The following FNDC3B variants were observed in gnomAD, a reference collection of about 807,000 sequenced individuals.
The protein encoded by FNDC3B is fibronectin type III domain-containing protein 3B.
Under a neutral mutation model 151.5 loss-of-function variants are expected in FNDC3B, and 12 were observed. The observed-to-expected ratio is 0.08, with a 90% CI of 0.05 to 0.13. The LOEUF (loss-of-function observed/expected upper bound fraction) is 0.13. FNDC3B is among the 10% of genes least tolerant of loss of function. FNDC3B has a pLI of 1.00. For synonymous variants in FNDC3B, 528 were observed against 549.0 expected (o/e 0.96, Z 0.54); for missense variants, 1,214 against 1,505.3 (o/e 0.81, Z 3.20).
intron 23 of FNDC3B, among the ~76,000 whole-genome samples, chr3:172,376,665 C>T (rs980221408): frequency 2.0e-5 from 3 of 152,038 alleles, no homozygotes; most frequent in Non-Finnish European, 2.9e-5. Flanking sequence ...TGGGTTTCAG[C>T]CTGGACTCTG....
In FNDC3B at chr3:172,397,730, CT is replaced by C. The variant is rs1283028251; in HGVS notation, c.*257del. 9 of 249,482 alleles carry C rather than the reference CT, an allele frequency of 3.6e-5. No individual in the cohort carries two copies. Among genetic ancestry groups the C allele is most frequent in the Non-Finnish European group, 1.5e-5 (2 of 135,238 alleles). 15.5% of individuals were successfully genotyped at this position (249,482 alleles called of 1,614,324 possible). On this transcript the variant is annotated 3_prime_UTR_variant, in exon 26 of 26. Coordinates refer to ENST00000415807, the MANE Select transcript of FNDC3B (RefSeq NM_022763.4). ...ATACCAGATACCAAAAGCTAGCTTTCTTATGTTTTCCTTTAAATTTTCAGAT... is the reference window on the plus strand; with the variant it reads ...ATACCAGATACCAAAAGCTAGCTTTCTATGTTTTCCTTTAAATTTTCAGAT...
At chr3:172,205,235 G>C (rs983278519) in intron 3 of FNDC3B, among the ~76,000 whole-genome samples, 3 of 152,128 alleles carry the variant, frequency 2.0e-5, no homozygotes, top group Admixed American at 6.5e-5. Flanking sequence ...AGGACTAACT[G>C]TACTCATGGA....
At chr3:172,380,795 C>T (rs1331434007) in intron 24 of FNDC3B, among the ~76,000 whole-genome samples, 171 bp from the exon 25 acceptor site, 5 of 152,182 alleles carry the variant, frequency 3.3e-5, no homozygotes, top group African/African-American at 2.4e-5. Context: ...CTTCTCTGTG[C>T]CTAAAGGGCA....
intron 3 of FNDC3B, among the ~76,000 whole-genome samples, chr3:172,185,303 C>T (rs1724113177): frequency 6.6e-6 from 1 of 152,196 alleles, no homozygotes. Context: ...TTTCTGGCCC[C>T]TCATCTTCTT....
intron 3 of FNDC3B, among the ~76,000 whole-genome samples, chr3:172,207,887 C>T (rs539429035): frequency 3.9e-5 from 6 of 152,268 alleles, no homozygotes; most frequent in African/African-American, 1.4e-4. Flanking sequence ...AAGGAGGTTG[C>T]AGTGAACCGA....
Position 172,307,471 on chromosome 3 carries a change from G to C in FNDC3B, c.1170G>C (p.Arg390Ser), listed in dbSNP as rs766023734. The C allele has an allele frequency of 4.3e-6, 7 of 1,613,968 alleles. No individual in the cohort carries two copies. The East Asian group carries it at 1.6e-4, about 36-fold the overall frequency. ...CTTTCCCCCCTAAGCTGGCACATAG[G>C]AGCAAAAGTTCACTAACCCTGCAGT... ...ECPFPPKLAHRSKSSLTLQWK... is the reference protein window; with the variant it reads ...ECPFPPKLAHSSKSSLTLQWK... Residue 390 changes from arginine (R) to serine (S), a missense_variant, in exon 10 of 26, where the codon AGG becomes AGC. This residue lies in a region of FNDC3B where 156 missense variants were observed against 225.3 expected (regional missense o/e 0.69). Transcript: ENST00000415807.
At chr3:172,285,860 A>G in intron 6 of FNDC3B, 66 bp from the exon 7 acceptor site, 1 of 1,213,940 alleles carries the variant, frequency 8.2e-7, no homozygotes, top group Non-Finnish European at 1.2e-6. Flanking sequence ...GCCTTGGGGA[A>G]GGAACTTGAC....
intron 2 of FNDC3B, among the ~76,000 whole-genome samples, chr3:172,130,769 A>G (rs570065697): frequency 3.3e-5 from 5 of 152,352 alleles, no homozygotes; most frequent in Admixed American, 1.3e-4. Context: ...TTGTCTGACA[A>G]TTATGAGCGT....
At chr3:172,297,833 C>T (rs4894542) in intron 8 of FNDC3B, among the ~76,000 whole-genome samples, 85,984 of 152,044 alleles carry the variant, frequency 0.57, 26,342 homozygotes, top group African/African-American at 0.81. Flanking sequence ...CAGGATATTT[C>T]CTATAAGAAT....
intron 4 of FNDC3B, among the ~76,000 whole-genome samples, chr3:172,244,831 G>T (rs1482796020): frequency 2.0e-5 from 3 of 151,800 alleles, no homozygotes; most frequent in Non-Finnish European, 4.4e-5. Flanking sequence ...TCACCATGTT[G>T]GCCAGACTGG....
rs1167627679 is a variant in FNDC3B, at chr3:172,392,810, C to CTTTTTTTTTTTT, written c.3304-4353_3304-4342dup. 8.7e-4 allele frequency among the ~76,000 whole-genome samples: 87 copies of CTTTTTTTTTTTT among 99,886 alleles called. 2 individuals carry two copies. Among genetic ancestry groups the CTTTTTTTTTTTT allele is most frequent in the African/African-American group, 1.6e-3 (44 of 27,938 alleles). The allele number at this position is 99,886 out of a possible 152,430, so 65.5% of individuals were successfully genotyped here. On this transcript the variant is annotated intron_variant, in intron 25 of 25. Transcript: ENST00000415807. ...GAATGAATTTTTTCTTTTTTTTTTT[C>CTTTTTTTTTTTT]TTTTTTTTTTTTCAGACAGAGAGTA...
chr3:172,212,512 A>AT (rs1456160716), intron 3 of FNDC3B, among the ~76,000 whole-genome samples: 3 of 152,178 alleles, frequency 2.0e-5, no homozygotes, highest in African/African-American at 7.2e-5. Context: ...AGGCCTGGAA[A>AT]TCTACATTTT....
chr3:172,391,683 T>G (rs139557811), intron 25 of FNDC3B, among the ~76,000 whole-genome samples: 1 of 152,344 alleles, frequency 6.6e-6, no homozygotes, highest in East Asian at 1.9e-4. Flanking sequence ...TCCAACTTGA[T>G]AAACATCCCA....
chr3:172,286,426 G>T (rs1473587932), intron 7 of FNDC3B, among the ~76,000 whole-genome samples: 1 of 152,024 alleles, frequency 6.6e-6, no homozygotes, highest in Non-Finnish European at 1.5e-5. Flanking sequence ...TGGGTGCAAT[G>T]GCAAGACAAA....
intron 3 of FNDC3B, among the ~76,000 whole-genome samples, chr3:172,210,353 T>A (rs1725673809): frequency 6.6e-6 from 1 of 152,320 alleles, no homozygotes; most frequent in African/African-American, 2.4e-5. Flanking sequence ...TTTCTTTTTT[T>A]GTTTTCCTTT....
At chr3:172,357,970 T>C (rs1734178514) in intron 22 of FNDC3B, among the ~76,000 whole-genome samples, 1 of 152,238 alleles carries the variant, frequency 6.6e-6, no homozygotes, top group Non-Finnish European at 1.5e-5. Flanking sequence ...GCCTGCTTCC[T>C]TGGCAGACGG....
chr3:172,216,061 G>A (rs181603118), intron 3 of FNDC3B, among the ~76,000 whole-genome samples: 11 of 152,150 alleles, frequency 7.2e-5, no homozygotes, highest in African/African-American at 2.4e-4. Context: ...AGGGCGTCTC[G>A]GATGCCCTTC....
At chr3:172,122,945 G>A (rs6791609) in intron 2 of FNDC3B, among the ~76,000 whole-genome samples, 3,466 of 152,294 alleles carry the variant, frequency 0.023, 117 homozygotes, top group African/African-American at 0.079. Flanking sequence ...TTAAAAAAAT[G>A]CAAATCAGTT....
chr3:172,372,798 A>G (rs544819857), intron 23 of FNDC3B, among the ~76,000 whole-genome samples: 32 of 152,312 alleles, frequency 2.1e-4, no homozygotes, highest in African/African-American at 7.7e-4. Flanking sequence ...GGATAATGCC[A>G]TATGCCAGGC....
Sources: gnomAD v4.1 joint callset for allele counts (sites outside exome capture counted in the v4.1 genomes callset) on GRCh38, gnomAD v4.1.1 for gene constraint, gnomAD v4.1.1 regional missense constraint, MANE v1.5 for transcripts, NCBI Gene and HGNC (gene_info 2026-07-23, HGNC 2026-07-21) for gene names.